The following ARL6IP6 variants were observed in gnomAD, a reference collection of about 807,000 sequenced individuals.
ARL6IP6 encodes the protein ARF like GTPase 6 interacting protein 6, also known as ADP-ribosylation factor-like protein 6-interacting protein 6.
In ARL6IP6, 22 loss-of-function variants were observed where a neutral mutation model predicts 21.5. That is an observed-to-expected ratio of 1.02 (90% CI 0.73 to 1.46). ARL6IP6 has a LOEUF of 1.46. Ranked by LOEUF, ARL6IP6 falls within the 40% of genes most tolerant of loss-of-function variation. The pLI is 0.00. For missense variants in ARL6IP6, 388 were observed against 299.8 expected, an observed-to-expected ratio of 1.29 and a Z score of -2.17; for synonymous variants, 164 against 125.3, an observed-to-expected ratio of 1.31 and a Z score of -2.06.
chr2:152,725,751 A>G (rs1700015449), intron 2 of ARL6IP6, among the ~76,000 whole-genome samples: 1 of 152,204 alleles, frequency 6.6e-6, no homozygotes, highest in Middle Eastern at 3.2e-3. Context: ...AGATTCATAC[A>G]TGAAGTTAGT....
At chr2:152,749,017 AT>A (rs1450442963) in intron 3 of ARL6IP6, among the ~76,000 whole-genome samples, 2 of 152,140 alleles carry the variant, frequency 1.3e-5, no homozygotes, top group African/African-American at 4.8e-5. Context: ...CAGTGCTTTA[AT>A]TTATGCTTCA....
upstream of ARL6IP6, chr2:152,718,449 C>T (rs1699350164): frequency 2.3e-6 from 2 of 854,484 alleles, no homozygotes; most frequent in Non-Finnish European, 3.3e-6. Context: ...CATTCCGCCT[C>T]TCCTTTGGCC....
intron 3 of ARL6IP6, among the ~76,000 whole-genome samples, chr2:152,754,042 TTTTG>T (rs1701463280): frequency 6.6e-6 from 1 of 151,474 alleles, no homozygotes; most frequent in South Asian, 2.1e-4. Flanking sequence ...TTTTTTTGTT[TTTTG>T]TTTTTTTTTT....
At chr2:152,753,573 C>G (rs1251764769) in intron 3 of ARL6IP6, among the ~76,000 whole-genome samples, 1 of 151,612 alleles carries the variant, frequency 6.6e-6, no homozygotes, top group Non-Finnish European at 1.5e-5. Context: ...CAAGAAAAAT[C>G]CTATTGAACT....
At chr2:152,718,232 A>C, upstream of ARL6IP6, 1 of 349,544 alleles carries the variant, frequency 2.9e-6, no homozygotes, top group Non-Finnish European at 4.1e-6. Context: ...AGCGGGCGCT[A>C]GGACCCGGCG....
chr2:152,719,338 C>T (rs1211685028), intron 1 of ARL6IP6, among the ~76,000 whole-genome samples: 1 of 152,116 alleles, frequency 6.6e-6, no homozygotes, highest in Non-Finnish European at 1.5e-5. Flanking sequence ...GCGAAACACC[C>T]ACCATTAAAA....
At chr2:152,754,410 C>T (rs1378638738) in intron 3 of ARL6IP6, among the ~76,000 whole-genome samples, 2 of 152,060 alleles carry the variant, frequency 1.3e-5, no homozygotes, top group East Asian at 1.9e-4. Context: ...TACTTCATTC[C>T]TTTTTAAGGC....
intron 3 of ARL6IP6, among the ~76,000 whole-genome samples, chr2:152,745,419 T>C (rs959612063): frequency 6.6e-6 from 1 of 152,222 alleles, no homozygotes; most frequent in Non-Finnish European, 1.5e-5. Context: ...AATAAGTATA[T>C]GTGGACATCT....
At chr2:152,720,401 A>G in intron 1 of ARL6IP6, 132 bp from the exon 2 acceptor site, 1 of 823,704 alleles carries the variant, frequency 1.2e-6, no homozygotes, top group South Asian at 1.5e-5. Context: ...TGGTAAATTG[A>G]ATCAGAATTT....
At chr2:152,732,625 A>G (rs1300583069) in intron 2 of ARL6IP6, 10 of 428,180 alleles carry the variant, frequency 2.3e-5, no homozygotes, top group Non-Finnish European at 4.6e-5. Flanking sequence ...TTGACATTTT[A>G]TTTTGCTATG....
chr2:152,733,558 C>T (rs532418865), intron 2 of ARL6IP6, among the ~76,000 whole-genome samples: 76 of 152,148 alleles, frequency 5.0e-4, no homozygotes, highest in Non-Finnish European at 8.1e-4. Flanking sequence ...CCACCACGCC[C>T]GGCCCTGTCG....
chr2:152,751,812 T>C (rs1001526061), intron 3 of ARL6IP6, among the ~76,000 whole-genome samples: 1 of 152,238 alleles, frequency 6.6e-6, no homozygotes, highest in Non-Finnish European at 1.5e-5. Flanking sequence ...ATCTTGACTA[T>C]TGTGAATGGT....
At chr2:152,742,235 G>A (rs566237679) in intron 3 of ARL6IP6, among the ~76,000 whole-genome samples, 8 of 152,138 alleles carry the variant, frequency 5.3e-5, no homozygotes, top group South Asian at 2.1e-4. Context: ...TTACCTACCC[G>A]TGGAAAAATA....
intron 2 of ARL6IP6, among the ~76,000 whole-genome samples, chr2:152,730,693 G>A (rs550856704): frequency 3.9e-5 from 6 of 152,232 alleles, no homozygotes; most frequent in Non-Finnish European, 5.9e-5. Flanking sequence ...ATTTGCTATA[G>A]TGAGTATTGA....
At chr2:152,728,377 A>G (rs1700143104) in intron 2 of ARL6IP6, among the ~76,000 whole-genome samples, 1 of 152,178 alleles carries the variant, frequency 6.6e-6, no homozygotes, top group Admixed American at 6.5e-5. Context: ...AGGAACCATG[A>G]GAGTTTTGTT....
chr2:152,734,874 A>G (rs576934151), intron 2 of ARL6IP6, 120 bp from the exon 3 acceptor site: 8 of 1,060,724 alleles, frequency 7.5e-6, no homozygotes, highest in Non-Finnish European at 1.1e-5. Flanking sequence ...CTCTTAAAAT[A>G]TCAGATCCAT....
intron 3 of ARL6IP6, among the ~76,000 whole-genome samples, chr2:152,736,895 A>G (rs955523857): frequency 6.6e-5 from 10 of 152,210 alleles, no homozygotes; most frequent in African/African-American, 2.2e-4. Context: ...GCCATTTTAT[A>G]TAAGGGACTT....
chr2:152,750,859 C>T (rs368283486), intron 3 of ARL6IP6, among the ~76,000 whole-genome samples: 4 of 152,330 alleles, frequency 2.6e-5, no homozygotes, highest in East Asian at 3.9e-4. Flanking sequence ...AGAATGTCAG[C>T]AACTTAGAAT....
At position 152,720,601 on chromosome 2, in the gene ARL6IP6, G is replaced by A; in HGVS notation, c.454+15G>A. On this transcript the variant is annotated intron_variant, in intron 2 of 3. Coordinates refer to ENST00000326446, the MANE Select transcript of ARL6IP6 (RefSeq NM_152522.7). ...TGGACTATTAGGTATGGACTTAATTGCCGCTTGCTTTGGTTTTGAGCTCAC... is the reference window on the plus strand; with the variant it reads ...TGGACTATTAGGTATGGACTTAATTACCGCTTGCTTTGGTTTTGAGCTCAC... The A allele has an allele frequency of 6.2e-7, 1 of 1,609,758 alleles. No individual in the cohort carries two copies. Among genetic ancestry groups the A allele is most frequent in the South Asian group, 1.1e-5 (1 of 90,710 alleles).
Sources: gnomAD v4.1 joint callset for allele counts (sites outside exome capture counted in the v4.1 genomes callset) on GRCh38, gnomAD v4.1.1 for gene constraint, MANE v1.5 for transcripts, NCBI Gene and HGNC (gene_info 2026-07-23, HGNC 2026-07-21) for gene names.